The following JAKMIP2 variants were observed in gnomAD, a reference collection of about 807,000 sequenced individuals.
JAKMIP2 encodes janus kinase and microtubule interacting protein 2, also known as janus kinase and microtubule-interacting protein 2.
In JAKMIP2, 25 loss-of-function variants were observed where a neutral mutation model predicts 115.0. The observed-to-expected ratio is 0.22, with a 90% CI of 0.16 to 0.30. JAKMIP2 has a LOEUF of 0.30. JAKMIP2 is among the 10% of genes least tolerant of loss of function. The pLI is 1.00. For missense variants in JAKMIP2, 642 were observed against 957.6 expected, an observed-to-expected ratio of 0.67 and a Z score of 4.35; for synonymous variants, 334 against 343.6, an observed-to-expected ratio of 0.97 and a Z score of 0.31.
intron 1 of JAKMIP2, among the ~76,000 whole-genome samples, chr5:147,779,277 A>G (rs974194222): frequency 6.6e-6 from 1 of 152,134 alleles, no homozygotes; most frequent in Admixed American, 6.5e-5. Context: ...AAGTTTTACT[A>G]AAGACTTACA....
intron 7 of JAKMIP2, among the ~76,000 whole-genome samples, chr5:147,642,482 G>A (rs892259299): frequency 2.0e-5 from 3 of 152,134 alleles, no homozygotes; most frequent in African/African-American, 7.2e-5. Flanking sequence ...AAAGTCCGAT[G>A]AGTGTGCCTA....
In JAKMIP2 at chr5:147,666,433, G is replaced by A. The variant is rs150830611; in HGVS notation, c.130-4988C>T. Among the ~76,000 whole-genome samples, 317 of 152,160 alleles carry A rather than the reference G, an allele frequency of 2.1e-3. 2 individuals carry two copies. Among genetic ancestry groups the A allele is most frequent in the African/African-American group, 7.2e-3 (297 of 41,508 alleles). On this transcript the variant is annotated intron_variant, in intron 2 of 21. Transcript: ENST00000616793. Reference sequence around the variant, plus strand: ...ATTTTGATACATGGAGATGTTTTACGGAGAAAAATTTCAGCTCAACCATAT... The same window carrying A: ...ATTTTGATACATGGAGATGTTTTACAGAGAAAAATTTCAGCTCAACCATAT...
At chr5:147,652,610 G>T (rs576353264) in intron 3 of JAKMIP2, among the ~76,000 whole-genome samples, 1 of 152,078 alleles carries the variant, frequency 6.6e-6, no homozygotes, top group Non-Finnish European at 1.5e-5. Flanking sequence ...GTATATCTGC[G>T]CTATCAAAAA....
chr5:147,591,750 C>T, intron 21 of JAKMIP2, 64 bp from the exon 22 acceptor site: 1 of 1,047,522 alleles, frequency 9.5e-7, no homozygotes. Context: ...TCATAAAAAA[C>T]AAACTTTAAA....
chr5:147,723,748 AGCCACATGGCTTAAAAAGTACTCATTCTG>A (rs1252508268), intron 1 of JAKMIP2, among the ~76,000 whole-genome samples: 1 of 152,186 alleles, frequency 6.6e-6, no homozygotes, highest in East Asian at 1.9e-4. Context: ...CAGGAAAGAA[AGCCACATGGCTTAAAAAGTACTCATTCTG>A]TCTTATCCAC....
At chr5:147,645,541 G>A (rs1758094143) in intron 5 of JAKMIP2, among the ~76,000 whole-genome samples, 7 of 152,134 alleles carry the variant, frequency 4.6e-5, no homozygotes, top group Admixed American at 6.6e-5. Context: ...AAAACCACAC[G>A]TAAGTTTGAA....
chr5:147,655,003 AT>A (rs1758607235), intron 3 of JAKMIP2, among the ~76,000 whole-genome samples: 1 of 152,290 alleles, frequency 6.6e-6, no homozygotes, highest in South Asian at 2.1e-4. Flanking sequence ...GATGGATTAC[AT>A]TTATTGATTT....
At chr5:147,682,432 T>C (rs6895574) in intron 1 of JAKMIP2, among the ~76,000 whole-genome samples, 58,610 of 152,050 alleles carry the variant, frequency 0.39, 13,933 homozygotes, top group African/African-American at 0.66. Context: ...GAAGGTAGAA[T>C]GAACTAAGAA....
intron 1 of JAKMIP2, among the ~76,000 whole-genome samples, chr5:147,774,255 C>T (rs1219023789): frequency 5.9e-5 from 9 of 152,234 alleles, no homozygotes; most frequent in Admixed American, 2.0e-4. Flanking sequence ...GATGGAGAAA[C>T]CCCTGTAATT....
chr5:147,644,623 T>C (rs535520404), intron 6 of JAKMIP2, among the ~76,000 whole-genome samples: 1 of 152,322 alleles, frequency 6.6e-6, no homozygotes, highest in East Asian at 1.9e-4. Flanking sequence ...CTTTGGAAAG[T>C]GTGCAAATTC....
rs1284054128 is a variant in JAKMIP2 at position 147,671,472 on chromosome 5, G to C, written c.129+206C>G. ...GAGGAGGCTAAGATCTGTCTAGTGA[G>C]TATGCTATTTTCACTTTCTGTGTGT... is the stretch of plus-strand genomic sequence containing the variant. On this transcript the variant is annotated intron_variant, in intron 2 of 21. Transcript: ENST00000616793. 2.0e-5 allele frequency among the ~76,000 whole-genome samples: 3 copies of C among 152,228 alleles called. No individual in the cohort carries two copies. The East Asian group carries it at 5.8e-4, about 29-fold the overall frequency.
rs544995791 is a variant in JAKMIP2, at chr5:147,703,965, A to G, written c.-148-32011T>C. On this transcript the variant is annotated intron_variant, in intron 1 of 21. Transcript: ENST00000616793. ...ACTAAGACACAAACACCAACCGCAC[A>G]TTACCTTAGGCCTGCACAGGGTCAG... Among the ~76,000 whole-genome samples the G allele has an allele frequency of 5.9e-5, 9 of 152,170 alleles. No homozygotes were observed. In the South Asian group the frequency reaches 1.9e-3, roughly 32 times the overall value.
chr5:147,657,905 A>C (rs1758759329), intron 3 of JAKMIP2, among the ~76,000 whole-genome samples: 1 of 151,972 alleles, frequency 6.6e-6, no homozygotes, highest in African/African-American at 2.4e-5. Context: ...CGGTTCCTGT[A>C]ACCTTTTATC....
chr5:147,707,866 G>A (rs1190072850), intron 1 of JAKMIP2, among the ~76,000 whole-genome samples: 1 of 152,140 alleles, frequency 6.6e-6, no homozygotes, highest in African/African-American at 2.4e-5. Flanking sequence ...TGAACCAAAT[G>A]CTTCCACAGG....
Position 147,742,155 on chromosome 5 carries a change from A to ATATATATATATATTTTT in JAKMIP2, c.-149+40300_-149+40301insAAAAATATATATATATA. Among the ~76,000 whole-genome samples the ATATATATATATATTTTT allele has an allele frequency of 2.8e-3, 300 of 108,866 alleles. 15 individuals are homozygous for ATATATATATATATTTTT. Among genetic ancestry groups the ATATATATATATATTTTT allele is most frequent in the African/African-American group, 3.6e-3 (96 of 26,440 alleles). The allele number at this position is 108,866 out of a possible 152,430, so 71.4% of individuals were successfully genotyped here. A position where few individuals can be genotyped will look rare whatever the true frequency, so the allele number is the denominator to read the frequency against. On this transcript the variant is annotated intron_variant, in intron 1 of 21. Transcript: ENST00000616793. ...TGTGGATCATTATATATATATATAT[A>ATATATATATATATTTTT]TTTTTTTTACTATTGTATTGTATCT...
intron 16 of JAKMIP2, among the ~76,000 whole-genome samples, chr5:147,628,193 A>G (rs1757192845): frequency 6.6e-6 from 1 of 152,160 alleles, no homozygotes; most frequent in Admixed American, 6.5e-5. Context: ...GGCTTTATGC[A>G]TTGATTCATG....
At chr5:147,683,351 G>A (rs1760399952) in intron 1 of JAKMIP2, among the ~76,000 whole-genome samples, 1 of 152,120 alleles carries the variant, frequency 6.6e-6, no homozygotes, top group Non-Finnish European at 1.5e-5. Flanking sequence ...AATTAGCGGG[G>A]CGTGGTGGCA....
intron 16 of JAKMIP2, 115 bp downstream of exon 16, chr5:147,628,636 T>G: frequency 1.5e-6 from 1 of 680,554 alleles, no homozygotes; most frequent in Non-Finnish European, 2.5e-6. Context: ...ATAAAATGTG[T>G]ATTAGGTATT....
At chr5:147,752,459 A>T (rs1754593059) in intron 1 of JAKMIP2, among the ~76,000 whole-genome samples, 1 of 152,146 alleles carries the variant, frequency 6.6e-6, no homozygotes, top group African/African-American at 2.4e-5. Context: ...CTACTTTTGT[A>T]AATAGTTTGA....
Sources: allele counts gnomAD v4.1 joint callset (sites outside exome capture counted in the v4.1 genomes callset), GRCh38; gene constraint gnomAD v4.1.1; transcripts MANE v1.5; gene names NCBI Gene and HGNC (gene_info 2026-07-23, HGNC 2026-07-21).